NAALADL2: variants seen among roughly 807,000 people sequenced by gnomAD.
The protein encoded by NAALADL2 is inactive N-acetylated-alpha-linked acidic dipeptidase-like protein 2.
NAALADL2 carries 76 observed loss-of-function variants against 87.2 expected under a neutral mutation model. That is an observed-to-expected ratio of 0.87 (90% confidence interval 0.72 to 1.05). The LOEUF is 1.05. Among genes scored for constraint, NAALADL2 ranks in the 50% least tolerant of loss-of-function variants. The pLI is 0.00. For synonymous variants in NAALADL2, 354 were observed against 331.0 expected (o/e 1.07, Z -0.75); for missense variants, 1,089 against 945.8 (o/e 1.15, Z -1.99).
chr3:175,661,899 T>G (rs957732704), intron 11 of NAALADL2, among the ~76,000 whole-genome samples: 2 of 151,982 alleles, frequency 1.3e-5, no homozygotes, highest in South Asian at 2.1e-4. Context: ...CTTTCTTATT[T>G]AGTAGTAATC....
At chr3:175,772,317 T>C (rs1749604258) in intron 13 of NAALADL2, among the ~76,000 whole-genome samples, 1 of 152,072 alleles carries the variant, frequency 6.6e-6, no homozygotes, top group South Asian at 2.1e-4. Flanking sequence ...TGTGTTAACC[T>C]GGGACTAGGA....
At chr3:174,744,773 A>G (rs1028253429) in intron 3 of NAALADL2, among the ~76,000 whole-genome samples, 22 of 152,214 alleles carry the variant, frequency 1.4e-4, no homozygotes, top group African/African-American at 5.3e-4. Flanking sequence ...CAATCAATTT[A>G]GAAGTCAAGA....
chr3:175,689,177 G>A (rs1736711576), intron 11 of NAALADL2, among the ~76,000 whole-genome samples: 1 of 152,072 alleles, frequency 6.6e-6, no homozygotes, highest in Non-Finnish European at 1.5e-5. Context: ...GAATAAATTA[G>A]CACAAGTGAA....
intron 9 of NAALADL2, among the ~76,000 whole-genome samples, chr3:175,505,924 T>C (rs1416174908): frequency 2.0e-5 from 3 of 152,124 alleles, no homozygotes; most frequent in Non-Finnish European, 4.4e-5. Context: ...GGTGTTTCCT[T>C]CTCCTTCTGG....
chr3:174,520,477 A>G (rs184196620), intron 1 of NAALADL2, among the ~76,000 whole-genome samples: 3 of 152,348 alleles, frequency 2.0e-5, no homozygotes, highest in East Asian at 3.9e-4. Flanking sequence ...ACTGTATTCA[A>G]TAAATGTTGC....
chr3:175,308,590 G>A (rs569945199), intron 4 of NAALADL2, among the ~76,000 whole-genome samples: 2 of 152,294 alleles, frequency 1.3e-5, no homozygotes, highest in South Asian at 4.1e-4. Flanking sequence ...ATTAGAGCCA[G>A]GATGGGCTTT....
chr3:174,479,950 G>T (rs997936770), intron 1 of NAALADL2, among the ~76,000 whole-genome samples: 11 of 152,068 alleles, frequency 7.2e-5, no homozygotes, highest in African/African-American at 2.7e-4. Context: ...TTTTAAAAAT[G>T]ACATTTTAAT....
chr3:175,164,566 G>C (rs1733716224), intron 2 of NAALADL2, among the ~76,000 whole-genome samples: 2 of 152,086 alleles, frequency 1.3e-5, no homozygotes, highest in South Asian at 4.1e-4. Context: ...AGTTAACCAA[G>C]TACATATTGC....
intron 5 of NAALADL2, among the ~76,000 whole-genome samples, chr3:175,444,932 A>G (rs1251366520): frequency 6.6e-6 from 1 of 152,166 alleles, no homozygotes; most frequent in Non-Finnish European, 1.5e-5. Flanking sequence ...CCAGATGATA[A>G]ATTAAGGAAA....
intron 3 of NAALADL2, among the ~76,000 whole-genome samples, chr3:174,845,263 G>A (rs1343506167): frequency 2.0e-5 from 3 of 152,162 alleles, no homozygotes; most frequent in Non-Finnish European, 1.5e-5. Flanking sequence ...TGAGAGCCTG[G>A]CAGCTGTGCA....
chr3:174,963,502 C>T (rs1202637923), intron 1 of NAALADL2, among the ~76,000 whole-genome samples: 3 of 152,012 alleles, frequency 2.0e-5, no homozygotes, highest in Admixed American at 2.0e-4. Context: ...CTTATAGTAA[C>T]TAGACTATTT....
At chr3:174,910,357 A>T (rs1479564953) in intron 1 of NAALADL2, among the ~76,000 whole-genome samples, 1 of 152,044 alleles carries the variant, frequency 6.6e-6, no homozygotes, top group African/African-American at 2.4e-5. Flanking sequence ...TTTACATAGA[A>T]ATTTGTTATC....
intron 2 of NAALADL2, among the ~76,000 whole-genome samples, chr3:175,216,398 T>C (rs1580968995): frequency 6.6e-6 from 1 of 152,268 alleles, no homozygotes; most frequent in East Asian, 1.9e-4. Context: ...ATACTCTTCA[T>C]TTAAAGATAG....
At chr3:174,945,596 C>T (rs1431271194) in intron 1 of NAALADL2, among the ~76,000 whole-genome samples, 2 of 152,082 alleles carry the variant, frequency 1.3e-5, no homozygotes, top group African/African-American at 4.8e-5. Context: ...GCACTTGTAT[C>T]CCAGACTTCA....
intron 2 of NAALADL2, among the ~76,000 whole-genome samples, chr3:174,726,462 A>G (rs943760270): frequency 3.3e-5 from 5 of 152,042 alleles, no homozygotes; most frequent in African/African-American, 1.2e-4. Flanking sequence ...ACTAATTATA[A>G]TTTTTAAAAT....
At chr3:174,896,304 A>T (rs571114189) in intron 1 of NAALADL2, among the ~76,000 whole-genome samples, 1 of 152,268 alleles carries the variant, frequency 6.6e-6, no homozygotes, top group South Asian at 2.1e-4. Context: ...CAAGAAAATT[A>T]TTAGAACTGA....
chr3:175,630,215 A>G (rs997272700), intron 11 of NAALADL2, among the ~76,000 whole-genome samples: 5 of 151,860 alleles, frequency 3.3e-5, no homozygotes, highest in Non-Finnish European at 7.4e-5. Context: ...CTTCATTTTA[A>G]TGTCAAATTT....
chr3:175,022,766 G>T (rs1292900021), intron 1 of NAALADL2, among the ~76,000 whole-genome samples: 1 of 152,022 alleles, frequency 6.6e-6, no homozygotes, highest in African/African-American at 2.4e-5. Flanking sequence ...CGGATTAACA[G>T]AAATAATTCT....
chr3:175,150,275 TA>T, intron 2 of NAALADL2, among the ~76,000 whole-genome samples: 1 of 152,262 alleles, frequency 6.6e-6, no homozygotes, highest in South Asian at 2.1e-4. Flanking sequence ...CTATTACAAA[TA>T]AAATTTGATA....
Sources: allele counts gnomAD v4.1 joint callset (sites outside exome capture counted in the v4.1 genomes callset), GRCh38; gene constraint gnomAD v4.1.1; transcripts MANE v1.5; gene names NCBI Gene and HGNC (gene_info 2026-07-23, HGNC 2026-07-21).